NAV3: variants seen among roughly 807,000 people sequenced by gnomAD.
NAV3 encodes the protein neuron navigator 3.
NAV3 carries 87 observed loss-of-function variants against 244.7 expected under a neutral mutation model. That is an observed-to-expected ratio of 0.36 (90% CI 0.30 to 0.42). NAV3 has a LOEUF of 0.42. Ranked by LOEUF, NAV3 falls within the 20% of genes least tolerant of loss-of-function variation. The probability of loss-of-function intolerance (pLI) is 1.00; values close to 1 mark genes in which losing one functional copy is unlikely to be tolerated. For synonymous variants in NAV3, 1,126 were observed against 1,042.2 expected (o/e 1.08, Z -1.55); for missense variants, 2,663 against 2,893.3 (o/e 0.92, Z 1.83).
intron 2 of NAV3, among the ~76,000 whole-genome samples, chr12:77,595,695 A>C (rs1455780557): frequency 6.6e-6 from 1 of 152,170 alleles, no homozygotes; most frequent in Non-Finnish European, 1.5e-5. Context: ...ACCAATTTTT[A>C]TCTTCTAGTC....
chr12:77,629,211 G>A (rs75565928), intron 2 of NAV3, among the ~76,000 whole-genome samples: 5,466 of 152,250 alleles, frequency 0.036, 186 homozygotes, highest in African/African-American at 0.085. Context: ...TTTCTTTACA[G>A]TGTAGTAACA....
chr12:77,842,717 A>T (rs1241175259), intron 1 of NAV3, among the ~76,000 whole-genome samples: 7 of 151,984 alleles, frequency 4.6e-5, no homozygotes, highest in African/African-American at 1.7e-4. Flanking sequence ...AAAACTCAGC[A>T]TCAAAAGAAG....
rs182628578 is a variant in NAV3 at position 77,873,402 on chromosome 12, G to A, written c.243+41698G>A. On this transcript the variant is annotated intron_variant, in intron 1 of 39. Transcript: ENST00000397909. Reference sequence around the variant, plus strand: ...AATGATGTAACAAATGTGACAAATCGTTACTTTATAATGAAATGATATTTC... The same window carrying A: ...AATGATGTAACAAATGTGACAAATCATTACTTTATAATGAAATGATATTTC... 1.9e-3 allele frequency among the ~76,000 whole-genome samples: 290 copies of A among 151,570 alleles called. 2 individuals are homozygous for A. The highest frequency in any genetic ancestry group is 0.01 in the Middle Eastern group (3 of 292).
At position 77,929,597 on chromosome 12, in the gene NAV3, C is replaced by T. The variant is rs150074639; in HGVS notation, c.244-10722C>T. On this transcript the variant is annotated intron_variant, in intron 1 of 39. Transcript: ENST00000397909. Reference sequence around the variant, plus strand: ...TCTGTATCCCTACCTCATCATCTTTCGCTCAGACTCTTTTTATAACCTTAT... The same window carrying T: ...TCTGTATCCCTACCTCATCATCTTTTGCTCAGACTCTTTTTATAACCTTAT... Among the ~76,000 whole-genome samples, 117 of 152,146 alleles carry T rather than the reference C, an allele frequency of 7.7e-4. 1 individual carries two copies. The highest frequency in any genetic ancestry group is 4.4e-3 in the Admixed American group (67 of 15,270).
chr12:77,747,035 T>A (rs137855262), intron 2 of NAV3, among the ~76,000 whole-genome samples: 7 of 152,306 alleles, frequency 4.6e-5, no homozygotes, highest in Non-Finnish European at 8.8e-5. Context: ...TTGCTACATT[T>A]GATATGGACT....
intron 34 of NAV3, among the ~76,000 whole-genome samples, chr12:78,196,656 T>G (rs1183491062): frequency 6.6e-6 from 1 of 151,984 alleles, no homozygotes; most frequent in Non-Finnish European, 1.5e-5. Context: ...TGCTAAATTT[T>G]GTCTTTGTTT....
At chr12:77,597,699 C>T (rs1445271953) in intron 2 of NAV3, among the ~76,000 whole-genome samples, 1 of 151,948 alleles carries the variant, frequency 6.6e-6, no homozygotes, top group Non-Finnish European at 1.5e-5. Flanking sequence ...CCAGTTTTTG[C>T]TCTCTAGTAT....
intron 3 of NAV3, among the ~76,000 whole-genome samples, chr12:77,961,236 A>ATGT (rs1555242846): frequency 1.4e-5 from 2 of 142,802 alleles, no homozygotes; most frequent in Non-Finnish European, 3.0e-5. Flanking sequence ...ATGTAATAAT[A>ATGT]TATTAAAGTA....
At position 78,156,448 on chromosome 12, in the gene NAV3, A is replaced by G. The variant is rs566575093; in HGVS notation, c.4786-2755A>G. Among the ~76,000 whole-genome samples, 7 of 152,230 alleles carry G rather than the reference A, an allele frequency of 4.6e-5. No homozygotes were observed. In the East Asian group the frequency reaches 9.7e-4, roughly 21 times the overall value. ...AATCATAAACATTTTGTGGTTACTT[A>G]TAGCTAGAAAATGTGAGTAATATAG... On this transcript the variant is annotated intron_variant, in intron 22 of 39. Transcript: ENST00000397909.
intron 1 of NAV3, among the ~76,000 whole-genome samples, chr12:77,895,697 A>G (rs1409599030): frequency 2.0e-5 from 3 of 149,932 alleles, no homozygotes; most frequent in East Asian, 3.9e-4. Context: ...TTTTCCTTCA[A>G]TGCTACCCCA....
At position 78,198,824 on chromosome 12, in the gene NAV3, T is replaced by C. The variant is rs1197588796; in HGVS notation, c.6518+148T>C. On this transcript the variant is annotated intron_variant, in intron 36 of 39. Coordinates refer to ENST00000397909, the MANE Select transcript of NAV3 (RefSeq NM_001024383.2). ...GACAAATCTTGCCAGAGATGACCTGTGGTGTGAAAATAATTCTCACTTCTG... is the reference window on the plus strand; with the variant it reads ...GACAAATCTTGCCAGAGATGACCTGCGGTGTGAAAATAATTCTCACTTCTG... 6.6e-6 allele frequency: 4 copies of C among 610,634 alleles called. No individual in the cohort carries two copies. In the African/African-American group the frequency reaches 7.5e-5, roughly 12 times the overall value. 37.8% of individuals were successfully genotyped at this position (610,634 alleles called of 1,614,324 possible).
intron 2 of NAV3, among the ~76,000 whole-genome samples, chr12:77,824,894 AAACAAC>A (rs149054152): frequency 2.5e-4 from 38 of 150,440 alleles, no homozygotes; most frequent in African/African-American, 4.7e-4. Flanking sequence ...TCCGTCTCAA[AAACAAC>A]AACAACAACA....
intron 2 of NAV3, among the ~76,000 whole-genome samples, chr12:77,748,380 A>G (rs10777392): frequency 4.1e-4 from 62 of 152,080 alleles, no homozygotes; most frequent in African/African-American, 1.5e-3. Context: ...TGACAAAAAT[A>G]AATGTATACA....
intron 3 of NAV3, among the ~76,000 whole-genome samples, chr12:77,949,360 G>A (rs1890661196): frequency 6.6e-6 from 1 of 151,926 alleles, no homozygotes. Flanking sequence ...CCTTTATTTA[G>A]TAAAGTGGAA....
chr12:77,778,427 ACGGTGAAACCC>A (rs1870490978), intron 2 of NAV3, among the ~76,000 whole-genome samples: 1 of 151,484 alleles, frequency 6.6e-6, no homozygotes, highest in Admixed American at 6.6e-5. Flanking sequence ...CCTGGCTAAC[ACGGTGAAACCC>A]CGTCTCTACT....
At position 77,801,779 on chromosome 12, in the gene NAV3, G is replaced by C. The variant is rs556226026; in HGVS notation, c.73-138540G>C. Reference sequence around the variant, plus strand: ...CCTGGAAAAATTAAGATCTATTCCTGATGTCCTAGCTACCCCATTCCCTAA... The same window carrying C: ...CCTGGAAAAATTAAGATCTATTCCTCATGTCCTAGCTACCCCATTCCCTAA... On this transcript the variant is annotated intron_variant, in intron 2 of 8. Coordinates refer to the NAV3 transcript ENST00000550042. 1.1e-3 allele frequency among the ~76,000 whole-genome samples: 171 copies of C among 152,222 alleles called. 1 individual carries two copies. The highest frequency in any genetic ancestry group is 4.0e-3 in the African/African-American group (165 of 41,544).
intron 3 of NAV3, among the ~76,000 whole-genome samples, chr12:77,949,600 A>G (rs1223227901): frequency 6.6e-6 from 1 of 151,848 alleles, no homozygotes; most frequent in East Asian, 1.9e-4. Context: ...CAGATTTCCT[A>G]TCTACCCCTT....
At chr12:77,765,911 G>A (rs925061315) in intron 2 of NAV3, among the ~76,000 whole-genome samples, 12 of 152,140 alleles carry the variant, frequency 7.9e-5, no homozygotes, top group Non-Finnish European at 1.5e-4. Flanking sequence ...GAGGGAGTCG[G>A]TGGTGAAATT....
At chr12:78,100,204 G>A (rs192842121) in intron 12 of NAV3, among the ~76,000 whole-genome samples, 1 of 151,810 alleles carries the variant, frequency 6.6e-6, no homozygotes, top group African/African-American at 2.4e-5. Flanking sequence ...GAATTTCTAG[G>A]TTATCAAGAA....
Sources: allele counts gnomAD v4.1 joint callset (sites outside exome capture counted in the v4.1 genomes callset), GRCh38; gene constraint gnomAD v4.1.1; transcripts MANE v1.5; gene names NCBI Gene and HGNC (gene_info 2026-07-23, HGNC 2026-07-21).